The following PTPRK variants were observed in gnomAD, a reference collection of about 807,000 sequenced individuals.
PTPRK encodes the protein receptor-type tyrosine-protein phosphatase kappa.
A neutral mutation model predicts 178.0 loss-of-function variants in PTPRK; 75 were observed. The ratio of observed to expected loss-of-function variants is 0.42; its 90% confidence interval spans 0.35 to 0.51. The LOEUF (loss-of-function observed/expected upper bound fraction) is 0.51, where lower values mean the gene tolerates loss of function less well. Among genes scored for constraint, PTPRK ranks in the 20% least tolerant of loss-of-function variants. The pLI, the probability that PTPRK is intolerant of heterozygous loss-of-function variation, is 0.02. For missense variants in PTPRK, 1,441 were observed against 1,797.8 expected, an observed-to-expected ratio of 0.80 and a Z score of 3.59; for synonymous variants, 637 against 620.6, an observed-to-expected ratio of 1.03 and a Z score of -0.39.
At chr6:128,172,307 G>C (rs567098613) in intron 7 of PTPRK, among the ~76,000 whole-genome samples, 2 of 151,958 alleles carry the variant, frequency 1.3e-5, no homozygotes, top group Admixed American at 1.3e-4. Flanking sequence ...ACTCAGTCTT[G>C]CTGACCTACT....
intron 3 of PTPRK, among the ~76,000 whole-genome samples, chr6:128,244,820 A>C (rs1056800343): frequency 5.3e-5 from 8 of 152,216 alleles, no homozygotes; most frequent in Non-Finnish European, 1.2e-4. Flanking sequence ...GAAATAGAAC[A>C]ACAACTTGAA....
Position 127,985,800 on chromosome 6 carries a change from C to T in PTPRK, c.3172G>A (p.Ala1058Thr). The T allele has an allele frequency of 6.2e-7, 1 of 1,613,886 alleles. No homozygotes were observed. Among genetic ancestry groups the T allele is most frequent in the Non-Finnish European group, 8.5e-7 (1 of 1,179,844 alleles). ...GWPDHGVPYH[A>T]TGLLSFIRRV... Reference sequence around the variant, plus strand: ...CGGATAAAGGAAAGCAGCCCTGTAGCATGGTAGGGCACTCCATGGTCAGGC... The same window carrying T: ...CGGATAAAGGAAAGCAGCCCTGTAGTATGGTAGGGCACTCCATGGTCAGGC... Residue 1058 changes from alanine to threonine, a missense_variant, in exon 22 of 30, where the codon GCT becomes ACT. Physicochemically the swap from Ala to Thr is moderately conservative, Grantham distance 58. This residue lies in a region of PTPRK where 335 missense variants were observed against 512.4 expected (regional missense o/e 0.65). Transcript: ENST00000368226.
intron 1 of PTPRK, among the ~76,000 whole-genome samples, chr6:128,442,614 T>G (rs1288917518): frequency 6.6e-6 from 1 of 152,192 alleles, no homozygotes; most frequent in East Asian, 1.9e-4. Flanking sequence ...ACCAAACACC[T>G]ATCTCATTTC....
At chr6:128,105,226 C>CG (rs1789508129) in intron 7 of PTPRK, among the ~76,000 whole-genome samples, 2 of 152,012 alleles carry the variant, frequency 1.3e-5, no homozygotes, top group Non-Finnish European at 2.9e-5. Flanking sequence ...CTCCGCCTCC[C>CG]GGGTTCGCGC....
chr6:128,193,766 A>G (rs1401334569), intron 6 of PTPRK, among the ~76,000 whole-genome samples: 2 of 152,124 alleles, frequency 1.3e-5, no homozygotes, highest in Non-Finnish European at 2.9e-5. Flanking sequence ...ATGGCGTTTT[A>G]TTCACCTTGA....
At chr6:128,205,777 CAAAAAAAAAA>C (rs57003128) in intron 6 of PTPRK, among the ~76,000 whole-genome samples, 2 of 15,230 alleles carry the variant, frequency 1.3e-4, no homozygotes, top group African/African-American at 2.4e-4. Flanking sequence ...CATCACAGAC[CAAAAAAAAAA>C]AAAAAAAAAA....
chr6:128,464,725 T>C (rs1236775659), intron 1 of PTPRK, among the ~76,000 whole-genome samples: 1 of 137,244 alleles, frequency 7.3e-6, no homozygotes, highest in East Asian at 2.1e-4. Context: ...TGAGTACCTG[T>C]AACACCAGCA....
chr6:128,277,904 T>C (rs969317810), intron 3 of PTPRK, among the ~76,000 whole-genome samples: 5 of 151,504 alleles, frequency 3.3e-5, no homozygotes, highest in Admixed American at 1.3e-4. Context: ...CTGACAAAAA[T>C]GGGCATGATA....
chr6:128,111,984 A>AGG (rs1165147476), intron 7 of PTPRK, among the ~76,000 whole-genome samples: 2 of 151,804 alleles, frequency 1.3e-5, no homozygotes, highest in African/African-American at 2.4e-5. Flanking sequence ...GTGAAGATGG[A>AGG]GGGGAGGGTG....
chr6:128,004,161 G>A (rs1778161885), intron 15 of PTPRK, among the ~76,000 whole-genome samples: 1 of 151,728 alleles, frequency 6.6e-6, no homozygotes, highest in Admixed American at 6.6e-5. Flanking sequence ...AAACCGGGGT[G>A]AGCATATCTC....
At chr6:128,286,831 G>A (rs1284454672) in intron 3 of PTPRK, among the ~76,000 whole-genome samples, 4 of 152,094 alleles carry the variant, frequency 2.6e-5, no homozygotes, top group African/African-American at 4.8e-5. Context: ...TCAGAGTAAA[G>A]CCAATTTAGT....
At chr6:128,323,167 T>G (rs980322032) in intron 2 of PTPRK, among the ~76,000 whole-genome samples, 3 of 152,120 alleles carry the variant, frequency 2.0e-5, no homozygotes, top group Non-Finnish European at 2.9e-5. Context: ...CCCACTCTCA[T>G]AGCTCACATA....
intron 5 of PTPRK, 79 bp downstream of exon 5, chr6:128,239,956 T>G: frequency 1.5e-4 from 162 of 1,093,768 alleles, no homozygotes; most frequent in Non-Finnish European, 1.9e-4. Flanking sequence ...CTCAAAAGGA[T>G]GAGACAACAA....
At chr6:128,317,721 C>T (rs1320441233) in intron 3 of PTPRK, among the ~76,000 whole-genome samples, 1 of 152,096 alleles carries the variant, frequency 6.6e-6, no homozygotes, top group Non-Finnish European at 1.5e-5. Flanking sequence ...TCCTTCCTCG[C>T]AGTTACAAAA....
At chr6:128,093,114 G>A (rs558552269) in intron 7 of PTPRK, among the ~76,000 whole-genome samples, 11 of 152,258 alleles carry the variant, frequency 7.2e-5, no homozygotes, top group Admixed American at 2.6e-4. Context: ...TCTGTCAATC[G>A]TTTTGGAATA....
rs146826463 is a variant in PTPRK at position 128,415,225 on chromosome 6, A to G, written c.101-17537T>C. ...AGATCACTGTACAAAGTTCCTCCCA[A>G]CGATCTCAGAATTCTCCAACGGCAA... is the stretch of plus-strand genomic sequence containing the variant. On this transcript the variant is annotated intron_variant, in intron 1 of 29. Transcript: ENST00000368226. Among the ~76,000 whole-genome samples, 490 of 152,290 alleles carry G rather than the reference A, an allele frequency of 3.2e-3. 1 individual carries two copies. The highest frequency in any genetic ancestry group is 5.4e-3 in the Non-Finnish European group (366 of 68,022).
rs370051101 is a variant in PTPRK at position 128,416,125 on chromosome 6, T to A, written c.101-18437A>T. 9.2e-5 allele frequency among the ~76,000 whole-genome samples: 14 copies of A among 152,010 alleles called. 1 individual carries two copies. Among genetic ancestry groups the A allele is most frequent in the East Asian group, 7.7e-4 (4 of 5,168 alleles). On this transcript the variant is annotated intron_variant, in intron 1 of 29. Coordinates refer to ENST00000368226, the MANE Select transcript of PTPRK (RefSeq NM_002844.4). ...ATTACAGTATGAGAAATATATGCCA[T>A]GTGTACAGGCAGCAATAGGATACAT...
rs915904998 is a variant in PTPRK, at chr6:127,990,961, T to C, written c.2980-76A>G. On this transcript the variant is annotated intron_variant, in intron 20 of 29. Coordinates refer to ENST00000368226, the MANE Select transcript of PTPRK (RefSeq NM_002844.4). ...AGCCAAGGTGATTTAATTCCAGCAA[T>C]AACTCCTTGTCACAATTAAAACTCA... 2.9e-5 allele frequency: 24 copies of C among 838,166 alleles called. No individual in the cohort carries two copies. In the African/African-American group the frequency reaches 4.4e-4, roughly 15 times the overall value. The allele number at this position is 838,166 out of a possible 1,614,324, so 51.9% of individuals were successfully genotyped here.
chr6:128,036,331 C>T (rs924295639), intron 13 of PTPRK, among the ~76,000 whole-genome samples: 1 of 152,038 alleles, frequency 6.6e-6, no homozygotes, highest in African/African-American at 2.4e-5. Context: ...TTATGGATAA[C>T]CAAATTGTAA....
Sources: gnomAD v4.1 joint callset for allele counts (sites outside exome capture counted in the v4.1 genomes callset) on GRCh38, gnomAD v4.1.1 for gene constraint, gnomAD v4.1.1 regional missense constraint, MANE v1.5 for transcripts, NCBI Gene and HGNC (gene_info 2026-07-23, HGNC 2026-07-21) for gene names.